Variants in TIAM2 observed in about 807,000 individuals in gnomAD.
The protein encoded by TIAM2 is rho guanine nucleotide exchange factor TIAM2.
Under a neutral mutation model 152.9 loss-of-function variants are expected in TIAM2, and 80 were observed. The observed-to-expected ratio is 0.52, with a 90% CI of 0.44 to 0.63. TIAM2 has a LOEUF of 0.63. Among genes scored for constraint, TIAM2 ranks in the 30% least tolerant of loss-of-function variants. TIAM2 has a pLI of 0.00. For synonymous variants in TIAM2, 804 were observed against 838.0 expected, an observed-to-expected ratio of 0.96 and a Z score of 0.70; for missense variants, 1,965 against 2,120.1, an observed-to-expected ratio of 0.93 and a Z score of 1.44.
Position 155,240,677 on chromosome 6 carries a change from G to T in TIAM2, c.3316G>T (p.Glu1106Ter). Reference sequence around the variant, plus strand: ...AGACCGCCTCCGCAAAGTCATCCAGGAGCTTGTGGACACAGAGAAGTCCTA... The same window carrying T: ...AGACCGCCTCCGCAAAGTCATCCAGTAGCTTGTGGACACAGAGAAGTCCTA... ...DADRLRKVIQELVDTEKSYVK... is the reference protein window; with the variant it reads ...DADRLRKVIQ Residue 1106 changes from glutamate to a stop codon, truncating the protein, a stop_gained, in exon 16 of 27, where the codon GAG (glutamate) becomes TAG (stop). Transcript: ENST00000682666. LOFTEE classifies it high-confidence loss of function. The T allele has an allele frequency of 1.2e-6, 2 of 1,613,482 alleles. No homozygotes were observed. Among genetic ancestry groups the T allele is most frequent in the Non-Finnish European group, 8.5e-7 (1 of 1,179,978 alleles).
At chr6:155,088,048 CTTTCTT>C (rs1778212966) in intron 1 of TIAM2, among the ~76,000 whole-genome samples, 2 of 134,950 alleles carry the variant, frequency 1.5e-5, no homozygotes, top group African/African-American at 2.8e-5. Context: ...CTTTTTCTTT[CTTTCTT>C]TTTTTTTTTT....
At chr6:155,180,712 C>G (rs982575352) in intron 12 of TIAM2, among the ~76,000 whole-genome samples, 3 of 151,878 alleles carry the variant, frequency 2.0e-5, no homozygotes, top group Non-Finnish European at 4.4e-5. Flanking sequence ...AAGCAATTCT[C>G]CCTGCCTCAG....
rs560327235 is a variant in TIAM2, at chr6:155,234,793, CCT to C, written c.3169-5732_3169-5731del. On this transcript the variant is annotated intron_variant, in intron 15 of 26. Transcript: ENST00000682666. ...GTTGTCTGCATATGAGCTGTTTCTG[CCT>C]CTCTAAGCAGAGGTGGTCTCCAGAG... 3.7e-4 allele frequency among the ~76,000 whole-genome samples: 56 copies of C among 152,332 alleles called. No individual in the cohort carries two copies. In the East Asian group the frequency reaches 0.01, roughly 28 times the overall value.
rs1285112370 is a variant in TIAM2 at position 155,129,806 on chromosome 6, G to C, written c.583G>C (p.Val195Leu). Residue 195 changes from valine (V) to leucine (L), a missense_variant, in exon 4 of 27, where the codon GTG becomes CTG. By Grantham distance (32) the Val-to-Leu change is conservative. This residue lies in a region of TIAM2 where 1,025 missense variants were observed against 1,119.4 expected (regional missense o/e 0.92). Transcript: ENST00000682666. This position sits in a 1 kb window ranked among gnomAD's most constrained non-coding sequence, Gnocchi z 4.8. Reference sequence around the variant, plus strand: ...GCCTGCAGAGGACTGCAGTGAGCCGGTGCAGCTGCTGAGGTACTCACCTAC... The same window carrying C: ...GCCTGCAGAGGACTGCAGTGAGCCGCTGCAGCTGCTGAGGTACTCACCTAC... ...KVPAEDCSEP[V>L]QLLRYSPTLA... 1.2e-6 allele frequency: 2 copies of C among 1,613,720 alleles called. No individual in the cohort carries two copies. The highest frequency in any genetic ancestry group is 1.7e-6 in the Non-Finnish European group (2 of 1,180,030).
intron 1 of TIAM2, among the ~76,000 whole-genome samples, chr6:155,087,617 TGG>T (rs1462329368): frequency 6.6e-6 from 1 of 151,842 alleles, no homozygotes; most frequent in Admixed American, 6.6e-5. Context: ...GGCGTGGTGG[TGG>T]GTGCCTGTAA....
At chr6:155,182,418 G>T (rs1402445890) in intron 13 of TIAM2, 100 bp downstream of exon 13, 5 of 1,070,024 alleles carry the variant, frequency 4.7e-6, no homozygotes, top group East Asian at 2.4e-5. Flanking sequence ...TCAGAAAAAG[G>T]TTGCTCCTGG....
At chr6:155,225,882 C>T (rs1583262741) in intron 15 of TIAM2, among the ~76,000 whole-genome samples, 1 of 152,086 alleles carries the variant, frequency 6.6e-6, no homozygotes, top group Non-Finnish European at 1.5e-5. Flanking sequence ...CAGCAAAAAA[C>T]ACTGAACAAA....
At chr6:155,250,416 T>G (rs1231263201) in intron 21 of TIAM2, 2 of 695,868 alleles carry the variant, frequency 2.9e-6, no homozygotes, top group Non-Finnish European at 4.5e-6. Context: ...TTTAGAATCT[T>G]GTGCTTCTCA....
intron 1 of TIAM2, among the ~76,000 whole-genome samples, chr6:155,073,335 G>A (rs559953369): frequency 6.6e-6 from 1 of 151,796 alleles, no homozygotes; most frequent in East Asian, 1.9e-4. Flanking sequence ...GCTAATTTTT[G>A]TATTTTTAGT....
chr6:155,067,002 C>A (rs571509310), intron 1 of TIAM2, among the ~76,000 whole-genome samples: 3 of 152,134 alleles, frequency 2.0e-5, no homozygotes, highest in Non-Finnish European at 4.4e-5. Flanking sequence ...AGTGATCTGC[C>A]CGCTTCGGTC....
At chr6:155,001,575 G>T (rs1778313361) in intron 1 of TIAM2, among the ~76,000 whole-genome samples, 1 of 152,216 alleles carries the variant, frequency 6.6e-6, no homozygotes, top group Non-Finnish European at 1.5e-5. Context: ...TCCTCTCCTG[G>T]ATGTTACATG....
At chr6:155,134,914 C>A (rs998764566) in intron 4 of TIAM2, among the ~76,000 whole-genome samples, 8 of 152,122 alleles carry the variant, frequency 5.3e-5, no homozygotes, top group African/African-American at 1.9e-4. Flanking sequence ...ACCGTGTTAG[C>A]CAGGATGGTC....
chr6:155,005,993 CT>C (rs1778394223), intron 1 of TIAM2, among the ~76,000 whole-genome samples: 1 of 152,194 alleles, frequency 6.6e-6, no homozygotes, highest in African/African-American at 2.4e-5. Context: ...GAAAAAGTCA[CT>C]GGAGAAAAGG....
chr6:155,059,282 C>CTGTGTGTTTGTG (rs1777514678), intron 1 of TIAM2, among the ~76,000 whole-genome samples: 2 of 144,104 alleles, frequency 1.4e-5, no homozygotes, highest in Non-Finnish European at 3.0e-5. Context: ...ATGTCCCTTT[C>CTGTGTGTTTGTG]TGTGTGTGTG....
At chr6:155,033,906 G>A (rs565359281) in intron 1 of TIAM2, among the ~76,000 whole-genome samples, 5 of 152,044 alleles carry the variant, frequency 3.3e-5, no homozygotes, top group African/African-American at 1.2e-4. Flanking sequence ...TAGTAGAGAC[G>A]GGGTTTCACT....
intron 15 of TIAM2, among the ~76,000 whole-genome samples, chr6:155,227,317 T>A (rs1782284353): frequency 6.6e-6 from 1 of 152,242 alleles, no homozygotes; most frequent in Non-Finnish European, 1.5e-5. Flanking sequence ...CTGCGGAGAC[T>A]TAGCCCATGG....
intron 2 of TIAM2, among the ~76,000 whole-genome samples, chr6:155,119,945 T>G (rs1438109477): frequency 1.3e-5 from 2 of 152,208 alleles, no homozygotes; most frequent in African/African-American, 2.4e-5. Flanking sequence ...TTGTATTCAT[T>G]TAAAAATACT....
Position 155,137,437 on chromosome 6 carries a change from C to T in TIAM2, c.1455C>T (p.Ser485=). The stretch of plus-strand genomic sequence containing the variant: ...AAACATCTACAGAAACCGCCGAGTC[C>T]AGCAGCGAGTCACTCAGCTCTCTGG... ...NIETSTETAE[S]SSESLSSLEQ... Residue 485 remains serine, a synonymous_variant, in exon 5 of 27, where the codon TCC becomes TCT. Coordinates refer to ENST00000682666, the MANE Select transcript of TIAM2 (RefSeq NM_012454.4). 1.9e-6 allele frequency: 3 copies of T among 1,614,236 alleles called. No individual in the cohort carries two copies. The highest frequency in any genetic ancestry group is 2.5e-6 in the Non-Finnish European group (3 of 1,180,046).
intron 2 of TIAM2, among the ~76,000 whole-genome samples, chr6:155,112,153 T>C (rs1397604089): frequency 1.7e-4 from 24 of 141,262 alleles, no homozygotes; most frequent in African/African-American, 6.4e-4. Flanking sequence ...TGAGATGGAG[T>C]CTTGCTCTGT....
Sources: allele counts gnomAD v4.1 joint callset (sites outside exome capture counted in the v4.1 genomes callset), GRCh38; gene constraint gnomAD v4.1.1; regional missense constraint gnomAD v4.1.1; non-coding constraint Gnocchi (gnomAD v3.1); transcripts MANE v1.5; gene names NCBI Gene and HGNC (gene_info 2026-07-23, HGNC 2026-07-21).